The following LCA5 variants were observed in gnomAD, a reference collection of about 807,000 sequenced individuals.
The protein encoded by LCA5 is lebercilin.
Under a neutral mutation model 53.0 loss-of-function variants are expected in LCA5, and 37 were observed. That is an observed-to-expected ratio of 0.70 (90% CI 0.54 to 0.92). The LOEUF (loss-of-function observed/expected upper bound fraction) is 0.92. Ranked by LOEUF, LCA5 falls within the 40% of genes least tolerant of loss-of-function variation. The pLI is 0.00. For missense variants in LCA5, 806 were observed against 790.5 expected (o/e 1.02, Z -0.23); for synonymous variants, 303 against 282.9 (o/e 1.07, Z -0.71).
intron 3 of LCA5, among the ~76,000 whole-genome samples, chr6:79,497,871 G>C (rs1295191575): frequency 6.6e-6 from 1 of 151,350 alleles, no homozygotes; most frequent in Non-Finnish European, 1.5e-5. Flanking sequence ...TACTCAGGAG[G>C]CTGAGTCAGG....
At chr6:79,536,150 T>C (rs184415401) in intron 1 of LCA5, among the ~76,000 whole-genome samples, 38 of 152,256 alleles carry the variant, frequency 2.5e-4, no homozygotes, top group African/African-American at 7.7e-4. Flanking sequence ...CTAGCTAACA[T>C]GGGAAATCAC....
At chr6:79,507,664 A>G (rs1182891424) in intron 3 of LCA5, among the ~76,000 whole-genome samples, 1 of 152,138 alleles carries the variant, frequency 6.6e-6, no homozygotes, top group East Asian at 1.9e-4. Flanking sequence ...GCAGTGGCCA[A>G]CCCAAGAGAT....
At chr6:79,528,697 G>A (rs932892593) in intron 1 of LCA5, among the ~76,000 whole-genome samples, 1 of 152,166 alleles carries the variant, frequency 6.6e-6, no homozygotes, top group African/African-American at 2.4e-5. Flanking sequence ...TAATAAGAAT[G>A]TGGATTAGAT....
chr6:79,486,672 A>C lies in LCA5; in HGVS notation c.*332T>G. 1 of 214,934 alleles carries C rather than the reference A, an allele frequency of 4.7e-6. No individual in the cohort carries two copies. Among genetic ancestry groups the C allele is most frequent in the Non-Finnish European group, 9.2e-6 (1 of 108,708 alleles). The allele number at this position is 214,934 out of a possible 1,614,324, so 13.3% of individuals were successfully genotyped here. A position where few individuals can be genotyped will look rare whatever the true frequency, so the allele number is the denominator to read the frequency against. ...TAGCACAGTGAGAATATGATTAAAA[A>C]TAAATACATAAATAGGAATAAAAGT... On this transcript the variant is annotated 3_prime_UTR_variant, in exon 8 of 8. Transcript: ENST00000369846.
intron 1 of LCA5, among the ~76,000 whole-genome samples, chr6:79,528,714 C>T (rs535670608): frequency 4.4e-4 from 67 of 152,284 alleles, no homozygotes; most frequent in African/African-American, 1.4e-3. Context: ...AGATTAACTA[C>T]ATCTATTATA....
chr6:79,488,319 C>T (rs542246050), intron 7 of LCA5: 12 of 160,184 alleles, frequency 7.5e-5, no homozygotes, highest in Non-Finnish European at 1.3e-4. Context: ...AAATGAAGAA[C>T]ATTCTATTTT....
intron 3 of LCA5, among the ~76,000 whole-genome samples, chr6:79,500,166 T>C (rs1770097868): frequency 6.6e-6 from 1 of 152,170 alleles, no homozygotes; most frequent in South Asian, 2.1e-4. Context: ...TATGTGTGCA[T>C]GTGTCTTTAT....
At chr6:79,494,980 G>T (rs1378506342) in intron 3 of LCA5, among the ~76,000 whole-genome samples, 1 of 152,210 alleles carries the variant, frequency 6.6e-6, no homozygotes, top group Non-Finnish European at 1.5e-5. Context: ...ATCTGCTAAA[G>T]CAGGGGTCCC....
intron 1 of LCA5, among the ~76,000 whole-genome samples, chr6:79,534,283 C>G (rs11966259): frequency 6.6e-6 from 1 of 151,776 alleles, no homozygotes; most frequent in South Asian, 2.1e-4. Flanking sequence ...ACAGTAAATG[C>G]TACATTTGAA....
rs764469992 is a variant in LCA5, at chr6:79,489,019, C to T, written c.1231+65G>A. ...AGTTAAGCTGGAAGATATTAGAAGA[C>T]GCTCACTCTTTCTTTCTCAAGGGAT... is the stretch of plus-strand genomic sequence containing the variant. On this transcript the variant is annotated intron_variant, in intron 7 of 7. Transcript: ENST00000369846. 4.0e-5 allele frequency: 63 copies of T among 1,562,632 alleles called. 1 individual carries two copies. In the African/African-American group the frequency reaches 5.0e-4, roughly 12 times the overall value.
chr6:79,507,148 T>A (rs1770290892), intron 3 of LCA5, among the ~76,000 whole-genome samples: 1 of 152,154 alleles, frequency 6.6e-6, no homozygotes, highest in Non-Finnish European at 1.5e-5. Context: ...CACAACATAA[T>A]GCAACAGATT....
intron 1 of LCA5, among the ~76,000 whole-genome samples, chr6:79,521,903 T>C (rs1158203654): frequency 2.2e-4 from 33 of 152,184 alleles, no homozygotes; most frequent in Admixed American, 6.5e-5. Flanking sequence ...GTCAGTCAAA[T>C]GGACTCAGGA....
chr6:79,536,937 T>C (rs1334345389), intron 1 of LCA5, among the ~76,000 whole-genome samples: 1 of 152,180 alleles, frequency 6.6e-6, no homozygotes, highest in Non-Finnish European at 1.5e-5. Flanking sequence ...CCTCCCTTCC[T>C]CGGGACCCTC....
chr6:79,522,669 T>C (rs1336683372), intron 1 of LCA5, among the ~76,000 whole-genome samples: 1 of 152,142 alleles, frequency 6.6e-6, no homozygotes, highest in Admixed American at 6.5e-5. Context: ...TAAAAAATTA[T>C]AATCAAGAAA....
At chr6:79,493,510 A>G in intron 4 of LCA5, 103 bp downstream of exon 4, 1 of 1,094,300 alleles carries the variant, frequency 9.1e-7, no homozygotes, top group Non-Finnish European at 1.3e-6. Context: ...TGTAAATTAT[A>G]TTGTACCAAC....
intron 3 of LCA5, among the ~76,000 whole-genome samples, chr6:79,496,602 G>A (rs770672469): frequency 5.9e-5 from 9 of 152,186 alleles, no homozygotes; most frequent in East Asian, 1.9e-4. Flanking sequence ...ATGACTCCAC[G>A]TATATAAAAT....
intron 1 of LCA5, among the ~76,000 whole-genome samples, chr6:79,535,627 C>T (rs1349311136): frequency 1.3e-5 from 2 of 152,022 alleles, no homozygotes; most frequent in Non-Finnish European, 2.9e-5. Flanking sequence ...CAATATTGGA[C>T]ATACTGAGTT....
intron 3 of LCA5, among the ~76,000 whole-genome samples, chr6:79,509,655 C>A (rs1359351677): frequency 6.6e-6 from 1 of 152,004 alleles, no homozygotes; most frequent in Non-Finnish European, 1.5e-5. Flanking sequence ...ACATTCTTAA[C>A]CCCTTGTGAA....
rs76194841 is a variant in LCA5 at position 79,507,555 on chromosome 6, T to C, written c.720+5657A>G. ...TTAAATATTGCATGGCATATGTATA[T>C]GTATGGTAGATGCACCTGACAGCAA... On this transcript the variant is annotated intron_variant, in intron 3 of 7. Transcript: ENST00000369846. Among the ~76,000 whole-genome samples the C allele has an allele frequency of 1.8e-3, 277 of 152,264 alleles. 7 individuals are homozygous for C. In the East Asian group the frequency reaches 0.045, roughly 25 times the overall value.
Sources: allele counts gnomAD v4.1 joint callset (sites outside exome capture counted in the v4.1 genomes callset), GRCh38; gene constraint gnomAD v4.1.1; transcripts MANE v1.5; gene names NCBI Gene and HGNC (gene_info 2026-07-23, HGNC 2026-07-21).